Variants in MACROD2 observed in about 807,000 individuals in gnomAD.
The protein encoded by MACROD2 is mono-ADP ribosylhydrolase 2, also known as ADP-ribose glycohydrolase MACROD2.
Under a neutral mutation model 70.4 loss-of-function variants are expected in MACROD2, and 36 were observed. That is an observed-to-expected ratio of 0.51 (90% CI 0.39 to 0.68). The LOEUF (loss-of-function observed/expected upper bound fraction) is 0.68, where lower values mean the gene tolerates loss of function less well. Ranked by LOEUF, MACROD2 falls within the 30% of genes least tolerant of loss-of-function variation. MACROD2 has a pLI of 0.00. For synonymous variants in MACROD2, 172 were observed against 178.8 expected (o/e 0.96, Z 0.30); for missense variants, 496 against 538.4 (o/e 0.92, Z 0.78).
intron 5 of MACROD2, among the ~76,000 whole-genome samples, chr20:14,924,067 CA>C (rs2074198305): frequency 6.6e-6 from 1 of 151,872 alleles, no homozygotes; most frequent in African/African-American, 2.4e-5. Context: ...TAAATTAGAC[CA>C]AGGCTATTTT....
chr20:15,746,005 T>A (rs1461209229), intron 8 of MACROD2, among the ~76,000 whole-genome samples: 1 of 152,156 alleles, frequency 6.6e-6, no homozygotes, highest in Non-Finnish European at 1.5e-5. Context: ...TTTTGACTAT[T>A]CTTGGCCTAT....
intron 8 of MACROD2, among the ~76,000 whole-genome samples, chr20:15,841,484 C>G (rs1033205747): frequency 2.0e-5 from 3 of 152,024 alleles, no homozygotes; most frequent in African/African-American, 7.2e-5. Flanking sequence ...TGTCAGAAGC[C>G]AAAGGGGAAG....
At chr20:15,786,417 G>A (rs55848652) in intron 8 of MACROD2, among the ~76,000 whole-genome samples, 13,132 of 152,056 alleles carry the variant, frequency 0.086, 712 homozygotes, top group Non-Finnish European at 0.12. Context: ...TTACTGAACT[G>A]CAAGGATAAA....
intron 4 of MACROD2, among the ~76,000 whole-genome samples, chr20:14,562,851 C>T (rs375477306): frequency 2.0e-5 from 3 of 151,708 alleles, no homozygotes; most frequent in Admixed American, 1.3e-4. Context: ...TGTTGCCTGT[C>T]GTGTTCTTGC....
chr20:14,375,408 C>G (rs79310565), intron 3 of MACROD2, among the ~76,000 whole-genome samples: 2,005 of 152,112 alleles, frequency 0.013, 41 homozygotes, highest in African/African-American at 0.045. Flanking sequence ...TAAAGGATAC[C>G]CTGTTTCTGA....
At chr20:14,734,841 A>G (rs2071643140) in intron 5 of MACROD2, among the ~76,000 whole-genome samples, 1 of 152,190 alleles carries the variant, frequency 6.6e-6, no homozygotes, top group Non-Finnish European at 1.5e-5. Context: ...CCATGCATCT[A>G]TGGGCCACTG....
intron 5 of MACROD2, among the ~76,000 whole-genome samples, chr20:14,866,184 A>G (rs1455282402): frequency 6.6e-6 from 1 of 152,136 alleles, no homozygotes; most frequent in Non-Finnish European, 1.5e-5. Flanking sequence ...TTGACTCAAA[A>G]TTAACCAGGA....
chr20:15,849,217 C>G (rs561467779), intron 8 of MACROD2, among the ~76,000 whole-genome samples: 1 of 152,276 alleles, frequency 6.6e-6, no homozygotes, highest in South Asian at 2.1e-4. Context: ...AGGACATGAA[C>G]CTATGGAAAA....
intron 8 of MACROD2, among the ~76,000 whole-genome samples, chr20:15,805,897 G>T (rs2063765167): frequency 6.6e-6 from 1 of 152,202 alleles, no homozygotes; most frequent in African/African-American, 2.4e-5. Flanking sequence ...GGAGAACTGG[G>T]AGTATGGCAG....
intron 5 of MACROD2, among the ~76,000 whole-genome samples, chr20:15,187,932 T>C (rs2076544364): frequency 6.6e-6 from 1 of 152,172 alleles, no homozygotes; most frequent in Non-Finnish European, 1.5e-5. Flanking sequence ...CTTTTTCTTC[T>C]GGTATTAAGG....
intron 4 of MACROD2, among the ~76,000 whole-genome samples, chr20:14,595,062 G>A (rs1163185969): frequency 6.6e-6 from 1 of 151,974 alleles, no homozygotes; most frequent in Non-Finnish European, 1.5e-5. Context: ...CAAACCATAT[G>A]TACTGTTTTA....
intron 5 of MACROD2, among the ~76,000 whole-genome samples, chr20:14,988,755 C>T (rs1005331825): frequency 2.0e-5 from 3 of 152,158 alleles, no homozygotes; most frequent in African/African-American, 7.2e-5. Flanking sequence ...AGATTGAAAA[C>T]TATCTAATAA....
chr20:14,396,841 C>T (rs1167940045), intron 3 of MACROD2, among the ~76,000 whole-genome samples: 7 of 145,682 alleles, frequency 4.8e-5, no homozygotes, highest in Admixed American at 2.8e-4. Context: ...AGGAGAATGG[C>T]GTCAACCCAG....
chr20:14,691,158 T>C (rs1451321728), intron 5 of MACROD2, among the ~76,000 whole-genome samples: 1 of 152,192 alleles, frequency 6.6e-6, no homozygotes, highest in Non-Finnish European at 1.5e-5. Context: ...CCTCAGGTGA[T>C]CCACTGGCCT....
intron 3 of MACROD2, among the ~76,000 whole-genome samples, chr20:14,367,748 T>G (rs1467016670): frequency 6.6e-6 from 1 of 152,068 alleles, no homozygotes; most frequent in Non-Finnish European, 1.5e-5. Context: ...TTAGTGTAGA[T>G]CTCTTTACAG....
At chr20:16,020,333 C>T (rs1042443757) in intron 15 of MACROD2, among the ~76,000 whole-genome samples, 3 of 152,020 alleles carry the variant, frequency 2.0e-5, no homozygotes, top group African/African-American at 7.3e-5. Context: ...CTGGCCATTC[C>T]CATTCATCCT....
At chr20:14,167,624 A>G (rs2181531) in intron 3 of MACROD2, among the ~76,000 whole-genome samples, 32,883 of 151,808 alleles carry the variant, frequency 0.22, 3,659 homozygotes, top group South Asian at 0.27. Context: ...TCCTGACCTC[A>G]GGTGATCCAC....
Position 14,286,709 on chromosome 20 carries a change from C to T in MACROD2, c.271+200981C>T, listed in dbSNP as rs371360875. Among the ~76,000 whole-genome samples the T allele has an allele frequency of 2.0e-5, 3 of 152,154 alleles. No individual in the cohort carries two copies. In the East Asian group the frequency reaches 5.8e-4, roughly 29 times the overall value. On this transcript the variant is annotated intron_variant, in intron 3 of 17. Transcript: ENST00000684519. ...TTAATTTGCTTTAACACATTACTAT[C>T]TAAAATAGCTCAGGTTTTGTATGGT... is the stretch of plus-strand genomic sequence containing the variant.
chr20:14,792,658 G>A (rs1369473639), intron 5 of MACROD2, among the ~76,000 whole-genome samples: 1 of 152,102 alleles, frequency 6.6e-6, no homozygotes. Flanking sequence ...ATTGCCCAGT[G>A]TGCTGTGAGG....
Sources: allele counts gnomAD v4.1 joint callset (sites outside exome capture counted in the v4.1 genomes callset), GRCh38; gene constraint gnomAD v4.1.1; transcripts MANE v1.5; gene names NCBI Gene and HGNC (gene_info 2026-07-23, HGNC 2026-07-21).